DNAI4: variants seen among roughly 807,000 people sequenced by gnomAD.
DNAI4 encodes the protein dynein axonemal intermediate chain 4.
Under a neutral mutation model 105.8 loss-of-function variants are expected in DNAI4, and 85 were observed. The ratio of observed to expected loss-of-function variants is 0.80; its 90% CI spans 0.67 to 0.96. DNAI4 has a LOEUF of 0.96. Ranked by LOEUF, DNAI4 falls within the 40% of genes least tolerant of loss-of-function variation. The pLI is 0.00. For missense variants in DNAI4, 1,014 were observed against 1,005.6 expected (o/e 1.01, Z -0.11); for synonymous variants, 352 against 331.5 (o/e 1.06, Z -0.67).
At chr1:66,826,542 C>A (rs925119269) in intron 15 of DNAI4, among the ~76,000 whole-genome samples, 8 of 152,138 alleles carry the variant, frequency 5.3e-5, no homozygotes, top group Non-Finnish European at 1.0e-4. Context: ...AAGTGATCCT[C>A]CCGCCTCAGC....
At chr1:66,880,117 T>C (rs1248053608) in intron 4 of DNAI4, among the ~76,000 whole-genome samples, 1 of 152,252 alleles carries the variant, frequency 6.6e-6, no homozygotes, top group Admixed American at 6.5e-5. Context: ...TGCTCATCCT[T>C]GCCTTCTGGC....
intron 11 of DNAI4, among the ~76,000 whole-genome samples, chr1:66,835,236 A>G (rs762267972): frequency 8.2e-5 from 12 of 146,642 alleles, no homozygotes; most frequent in Non-Finnish European, 1.2e-4. Context: ...AGATAGATAG[A>G]TAGATAAGAT....
At chr1:66,872,206 TTTATTTATTTA>T (rs146033278) in intron 5 of DNAI4, among the ~76,000 whole-genome samples, 20,616 of 141,870 alleles carry the variant, frequency 0.15, 1,537 homozygotes, top group Middle Eastern at 0.22. Flanking sequence ...TTCAGGTTAT[TTTATTTATTTA>T]TTATTTATTT....
rs1451356506 is a variant in DNAI4, at chr1:66,827,006, T to C, written c.2153A>G (p.Asp718Gly). ...ATCTGCAGAACAGCTTAAAAATACA[T>C]CATGACAAAATGGATTCCATGTCAC... ...YKVTWNPFCHDVFLSCSADWG... is the reference protein window; with the variant it reads ...YKVTWNPFCHGVFLSCSADWG... The change falls in exon 15 of 17, where the codon GAT (aspartate) becomes GGT (glycine). Residue 718 changes from aspartate to glycine, a missense_variant. Transcript: ENST00000371026. The C allele has an allele frequency of 6.2e-7, 1 of 1,613,854 alleles. No individual in the cohort carries two copies. Among genetic ancestry groups the C allele is most frequent in the Admixed American group, 1.7e-5 (1 of 59,986 alleles).
chr1:66,874,454 T>C (rs1421173379), intron 5 of DNAI4, among the ~76,000 whole-genome samples: 5 of 152,108 alleles, frequency 3.3e-5, no homozygotes, highest in African/African-American at 1.2e-4. Flanking sequence ...TATATATGTA[T>C]AAAAGTAAAA....
At chr1:66,862,078 C>G in intron 7 of DNAI4, 69 bp downstream of exon 7, 1 of 1,439,160 alleles carries the variant, frequency 6.9e-7, no homozygotes, top group Non-Finnish European at 9.3e-7. Context: ...TTGTTAACTG[C>G]CAAAAAAGAA....
chr1:66,874,816 C>G lies in DNAI4; in HGVS notation c.765G>C (p.Met255Ile). The G allele has an allele frequency of 6.2e-7, 1 of 1,613,630 alleles. No individual in the cohort carries two copies. The highest frequency in any genetic ancestry group is 8.5e-7 in the Non-Finnish European group (1 of 1,179,756). Residue 255 changes from methionine (M) to isoleucine (I), a missense_variant, in exon 5 of 17, where the codon ATG becomes ATC. Transcript: ENST00000371026. ...CAGCTTCTTCAGATTCTACAGAGAC[C>G]ATGACTGTGGGCAAGTCAAAAAATC... Reference protein sequence around the residue: ...TLRFFDLPTVMVSVESEEAEK... With the variant: ...TLRFFDLPTVIVSVESEEAEK...
At chr1:66,901,639 C>T (rs1569846098) in intron 2 of DNAI4, among the ~76,000 whole-genome samples, 1 of 152,042 alleles carries the variant, frequency 6.6e-6, no homozygotes, top group East Asian at 1.9e-4. Context: ...TTGCTTTCAC[C>T]TTTTAGCTAT....
intron 16 of DNAI4, among the ~76,000 whole-genome samples, chr1:66,817,563 A>C (rs1645543452): frequency 6.6e-6 from 1 of 152,092 alleles, no homozygotes; most frequent in South Asian, 2.1e-4. Context: ...AAAGAGTGAG[A>C]CCTTTTCTAA....
chr1:66,912,945 TAA>T (rs1649769256), intron 1 of DNAI4, among the ~76,000 whole-genome samples: 1 of 152,224 alleles, frequency 6.6e-6, no homozygotes, highest in Admixed American at 6.5e-5. Flanking sequence ...GCTAGGGATC[TAA>T]AGTTTATTTT....
At chr1:66,821,432 T>C (rs1405489249) in intron 16 of DNAI4, among the ~76,000 whole-genome samples, 1 of 151,984 alleles carries the variant, frequency 6.6e-6, no homozygotes, top group East Asian at 1.9e-4. Context: ...TTGATTCAGA[T>C]TGTCAAATTG....
chr1:66,850,199 AG>A (rs1646368414), intron 7 of DNAI4, among the ~76,000 whole-genome samples: 1 of 151,238 alleles, frequency 6.6e-6, no homozygotes. Flanking sequence ...CCTTATCTTT[AG>A]GGGGAAAATA....
At chr1:66,893,049 AAG>A (rs1491387488) in intron 3 of DNAI4, among the ~76,000 whole-genome samples, 178 bp downstream of exon 3, 1 of 115,742 alleles carries the variant, frequency 8.6e-6, no homozygotes, top group African/African-American at 3.7e-5. Context: ...GAAAGAAAGA[AAG>A]AAAGAGAGAG....
intron 4 of DNAI4, among the ~76,000 whole-genome samples, chr1:66,876,890 C>T (rs543445073): frequency 5.9e-5 from 9 of 152,274 alleles, no homozygotes; most frequent in South Asian, 2.1e-4. Context: ...CTCCTCTCCA[C>T]ACCTTTACTC....
intron 14 of DNAI4, among the ~76,000 whole-genome samples, chr1:66,827,513 G>T (rs951296914): frequency 1.3e-5 from 2 of 151,892 alleles, no homozygotes; most frequent in Non-Finnish European, 2.9e-5. Flanking sequence ...AAAAAAATAA[G>T]CTATAGAGAC....
intron 1 of DNAI4, among the ~76,000 whole-genome samples, chr1:66,913,574 A>G (rs1223531874): frequency 2.0e-5 from 3 of 152,170 alleles, no homozygotes; most frequent in Non-Finnish European, 4.4e-5. Context: ...GAAATCCCCA[A>G]CAAAAATTAA....
chr1:66,899,673 T>A (rs562804515), intron 2 of DNAI4, among the ~76,000 whole-genome samples: 1 of 152,358 alleles, frequency 6.6e-6, no homozygotes, highest in African/African-American at 2.4e-5. Context: ...ACCCCTATGT[T>A]TTCTTCTAAG....
At chr1:66,896,181 T>C (rs543741685) in intron 2 of DNAI4, among the ~76,000 whole-genome samples, 2 of 152,326 alleles carry the variant, frequency 1.3e-5, no homozygotes, top group African/African-American at 4.8e-5. Context: ...AGGAAGGTTT[T>C]TAAATCACTC....
intron 1 of DNAI4, among the ~76,000 whole-genome samples, chr1:66,911,231 G>A: frequency 6.6e-6 from 1 of 152,194 alleles, no homozygotes; most frequent in East Asian, 1.9e-4. Context: ...TTATTGTAAA[G>A]TATATTACAA....
Sources: allele counts gnomAD v4.1 joint callset (sites outside exome capture counted in the v4.1 genomes callset), GRCh38; gene constraint gnomAD v4.1.1; transcripts MANE v1.5; gene names NCBI Gene and HGNC (gene_info 2026-07-23, HGNC 2026-07-21).